Variants in OR10AG1 observed in about 807,000 individuals in gnomAD.
OR10AG1 encodes olfactory receptor family 10 subfamily AG member 1.
For missense variants in OR10AG1, 433 were observed against 376.5 expected, an observed-to-expected ratio of 1.15 and a Z score of -1.24; for synonymous variants, 147 against 128.6, an observed-to-expected ratio of 1.14 and a Z score of -0.97.
At position 55,968,520 on chromosome 11, in the gene OR10AG1, C is replaced by A. The variant is rs1852714570; in HGVS notation, c.17-13G>T. 9.2e-7 allele frequency: 1 copy of A among 1,091,840 alleles called. No individual in the cohort carries two copies. The highest frequency in any genetic ancestry group is 1.3e-6 in the Non-Finnish European group (1 of 749,498). The allele number at this position is 1,091,840 out of a possible 1,614,324, so 67.6% of individuals were successfully genotyped here. ...GTTTGCTCTCCATCTGCAGATATAGCAAATTCAAGACAGTTAATTCATCCA... is the reference window on the plus strand; with the variant it reads ...GTTTGCTCTCCATCTGCAGATATAGAAAATTCAAGACAGTTAATTCATCCA... On this transcript the variant is annotated splice_polypyrimidine_tract_variant and intron_variant, in intron 1 of 1. Coordinates refer to ENST00000641071, the MANE Select transcript of OR10AG1 (RefSeq NM_001005491.2).
In OR10AG1 at chr11:55,966,924, A is replaced by G. The variant is rs1852693582; in HGVS notation, c.*634T>C. Reference sequence around the variant, plus strand: ...GGGTCCAACATTCAACCCAACACACATAGGTAAGGCTAGTTTAGGATGAAA... The same window carrying G: ...GGGTCCAACATTCAACCCAACACACGTAGGTAAGGCTAGTTTAGGATGAAA... On this transcript the variant is annotated 3_prime_UTR_variant, in exon 2 of 2. Coordinates refer to ENST00000641071, the MANE Select transcript of OR10AG1 (RefSeq NM_001005491.2). The G allele has an allele frequency of 6.6e-6, 1 of 152,142 alleles. No individual in the cohort carries two copies. Among genetic ancestry groups the G allele is most frequent in the African/African-American group, 2.4e-5 (1 of 41,372 alleles). The allele number at this position is 152,142 out of a possible 1,614,324, so 9.4% of individuals were successfully genotyped here.
rs773289807 is a variant in OR10AG1, at chr11:55,968,491, T to G, written c.33A>C (p.Lys11Asn). 8.4e-6 allele frequency: 12 copies of G among 1,433,888 alleles called. No homozygotes were observed. The Admixed American group carries it at 2.2e-4, about 27-fold the overall frequency. The allele number at this position is 1,433,888 out of a possible 1,614,324, so 88.8% of individuals were successfully genotyped here. The change falls in exon 2 of 2, where the codon AAA becomes AAC. Residue 11 changes from lysine (K) to asparagine (N), a missense_variant. Transcript: ENST00000641071. MQIPKDGEQTKREKSNVTTIM... is the reference protein window; with the variant it reads MQIPKDGEQTNREKSNVTTIM... ...TTGTAGTCACATTTGATTTTTCTCT[T>G]TTAGTTTGCTCTCCATCTGCAGATA...
intron 1 of OR10AG1, 106 bp from the exon 2 acceptor site, chr11:55,968,613 T>G (rs925788893): frequency 2.6e-5 from 14 of 537,470 alleles, no homozygotes; most frequent in African/African-American, 2.5e-4. Flanking sequence ...CTTAAGCTCT[T>G]AAGTCATTTT....
In OR10AG1 at chr11:55,967,754, A is replaced by G; in HGVS notation, c.770T>C (p.Ile257Thr). ...TGCTCCAAAGAATAAGATTACAACT[A>G]TTAGGTGAGATGAGCAGGTGGAGAA... ...KAFSTCSSHL[I>T]VVILFFGAGT... The change falls in exon 2 of 2, where the codon ATA becomes ACA. Residue 257 changes from isoleucine to threonine, a missense_variant. By Grantham distance (89) the Ile-to-Thr change is moderately conservative. Coordinates refer to ENST00000641071, the MANE Select transcript of OR10AG1 (RefSeq NM_001005491.2). 6.2e-7 allele frequency: 1 copy of G among 1,613,696 alleles called. No homozygotes were observed. Among genetic ancestry groups the G allele is most frequent in the Non-Finnish European group, 8.5e-7 (1 of 1,179,708 alleles).
rs777883456 is a variant in OR10AG1 at position 55,967,682 on chromosome 11, A to G, written c.842T>C (p.Met281Thr). 3 of 1,613,294 alleles carry G rather than the reference A, an allele frequency of 1.9e-6. No individual in the cohort carries two copies. The highest frequency in any genetic ancestry group is 2.5e-6 in the Non-Finnish European group (3 of 1,179,356). ...GTAGAAAAGAGAAATCAGTTTCCCC[A>G]TCCTTTGAAACTGATGTGGTTTGGG... is the stretch of plus-strand genomic sequence containing the variant. ...LQPKPHQFQRMGKLISLFYTI... is the reference protein window; with the variant it reads ...LQPKPHQFQRTGKLISLFYTI... The change falls in exon 2 of 2, where the codon ATG becomes ACG. Residue 281 changes from methionine (M) to threonine (T), a missense_variant. Coordinates refer to ENST00000641071, the MANE Select transcript of OR10AG1 (RefSeq NM_001005491.2).
Position 55,968,469 on chromosome 11 carries a change from T to C in OR10AG1, c.55A>G (p.Thr19Ala). The C allele has an allele frequency of 1.3e-6, 2 of 1,527,732 alleles. No individual in the cohort carries two copies. The highest frequency in any genetic ancestry group is 1.8e-6 in the Non-Finnish European group (2 of 1,135,646). 94.6% of individuals were successfully genotyped at this position (1,527,732 alleles called of 1,614,324 possible). A position where few individuals can be genotyped will look rare whatever the true frequency, so the allele number is the denominator to read the frequency against. ...QTKREKSNVT[T>A]IMEFVLLGFS... ...CCCAAAAGAACAAATTCCATTATTGTAGTCACATTTGATTTTTCTCTTTTA... is the reference window on the plus strand; with the variant it reads ...CCCAAAAGAACAAATTCCATTATTGCAGTCACATTTGATTTTTCTCTTTTA... The change falls in exon 2 of 2, where the codon ACA becomes GCA. Residue 19 changes from threonine (T) to alanine (A), a missense_variant. Coordinates refer to ENST00000641071, the MANE Select transcript of OR10AG1 (RefSeq NM_001005491.2).
rs766153051 is a variant in OR10AG1, at chr11:55,968,327, A to C, written c.197T>G (p.Leu66Arg). The C allele has an allele frequency of 1.2e-6, 2 of 1,613,460 alleles. No individual in the cohort carries two copies. The change falls in exon 2 of 2, where the codon CTC becomes CGC. Residue 66 changes from leucine to arginine, a missense_variant. Leu to Arg is a moderately radical substitution (Grantham distance 102). Transcript: ENST00000641071. Reference protein sequence around the residue: ...IILLIKIHPALQTPMYFFLSN... With the variant: ...IILLIKIHPARQTPMYFFLSN... ...AAGAAAAAAATACATGGGAGTCTGGAGAGCGGGGTGAATTTTTATTAGTAG... is the reference window on the plus strand; with the variant it reads ...AAGAAAAAAATACATGGGAGTCTGGCGAGCGGGGTGAATTTTTATTAGTAG...
Position 55,967,936 on chromosome 11 carries a change from G to C in OR10AG1, c.588C>G (p.Leu196=). 1 of 1,614,104 alleles carries C rather than the reference G, an allele frequency of 6.2e-7. No homozygotes were observed. Among genetic ancestry groups the C allele is most frequent in the South Asian group, 1.1e-5 (1 of 91,084 alleles). The change falls in exon 2 of 2, where the codon CTC becomes CTG. Residue 196 remains leucine (L), a synonymous_variant. Coordinates refer to ENST00000641071, the MANE Select transcript of OR10AG1 (RefSeq NM_001005491.2). ...NHFFCDIPPI[L]KLACGNIFVN... The stretch of plus-strand genomic sequence containing the variant: ...CAAATATGTTTCCACAAGCAAGCTT[G>C]AGTATTGGCGGGATGTCACAAAAGA...
rs1410884121 is a variant in OR10AG1, at chr11:55,968,413, C to T, written c.111G>A (p.Met37Ile). 8 of 1,587,378 alleles carry T rather than the reference C, an allele frequency of 5.0e-6. No individual in the cohort carries two copies. The highest frequency in any genetic ancestry group is 6.9e-6 in the Non-Finnish European group (8 of 1,166,404). The change falls in exon 2 of 2, where the codon ATG becomes ATA. Residue 37 changes from methionine (M) to isoleucine (I), a missense_variant. Transcript: ENST00000641071. The stretch of plus-strand genomic sequence containing the variant: ...ACATAAGTAAAAATATACTAAAAAG[C>T]ATCCAGTGGAGATTGGGAATATCAG... Reference protein sequence around the residue: ...GFSDIPNLHWMLFSIFLLMYL... With the variant: ...GFSDIPNLHWILFSIFLLMYL...
chr11:55,967,664 A>G lies in OR10AG1; in HGVS notation c.860T>C (p.Leu287Pro). ...AGTTGGAATCAGAATGGTGTAGAAA[A>G]GAGAAATCAGTTTCCCCATCCTTTG... The part of the protein sequence containing the change: ...QFQRMGKLIS[L>P]FYTILIPTLN... The change falls in exon 2 of 2, where the codon CTT becomes CCT. Residue 287 changes from leucine to proline, a missense_variant. Transcript: ENST00000641071. 2 of 1,613,526 alleles carry G rather than the reference A, an allele frequency of 1.2e-6. No homozygotes were observed. The highest frequency in any genetic ancestry group is 4.5e-5 in the East Asian group (2 of 44,868).
rs1174947280 is a variant in OR10AG1 at position 55,965,994 on chromosome 11, A to G, written c.*1564T>C. The G allele has an allele frequency of 6.6e-6, 1 of 151,906 alleles. No individual in the cohort carries two copies. The allele number at this position is 151,906 out of a possible 1,614,324, so 9.4% of individuals were successfully genotyped here. ...AAATGATGTTATATTTTTTAAGTAC[A>G]TATGCATTCTTACATATTAGGGAAG... is the stretch of plus-strand genomic sequence containing the variant. On this transcript the variant is annotated 3_prime_UTR_variant, in exon 2 of 2. Transcript: ENST00000641071.
Position 55,967,398 on chromosome 11 carries a change from C to T in OR10AG1, c.*160G>A. On this transcript the variant is annotated 3_prime_UTR_variant, in exon 2 of 2. Transcript: ENST00000641071. ...GCTCCAACTGCACAGTAGCACATAACTATATTCTGTGAATAAAACACCCCT... is the reference window on the plus strand; with the variant it reads ...GCTCCAACTGCACAGTAGCACATAATTATATTCTGTGAATAAAACACCCCT... The T allele has an allele frequency of 1.7e-6, 1 of 574,312 alleles. No homozygotes were observed. Among genetic ancestry groups the T allele is most frequent in the African/African-American group, 1.9e-5 (1 of 53,118 alleles). 35.6% of individuals were successfully genotyped at this position (574,312 alleles called of 1,614,324 possible). A position where few individuals can be genotyped will look rare whatever the true frequency, so the allele number is the denominator to read the frequency against.
chr11:55,966,262 TAAG>T lies in OR10AG1; in HGVS notation c.*1293_*1295del, dbSNP rs1462801234. 5.6e-5 allele frequency: 7 copies of T among 125,106 alleles called. No individual in the cohort carries two copies. Among genetic ancestry groups the T allele is most frequent in the African/African-American group, 2.0e-4 (7 of 34,960 alleles). The allele number at this position is 125,106 out of a possible 1,614,324, so 7.7% of individuals were successfully genotyped here. On this transcript the variant is annotated 3_prime_UTR_variant, in exon 2 of 2. Coordinates refer to ENST00000641071, the MANE Select transcript of OR10AG1 (RefSeq NM_001005491.2). ...AATTTCATTGATTTAGCTTGTAAAGTAAGAAGAATATATATATATATATATATA... is the reference window on the plus strand; with the variant it reads ...AATTTCATTGATTTAGCTTGTAAAGTAAGAATATATATATATATATATATA...
chr11:55,968,209 C>G lies in OR10AG1; in HGVS notation c.315G>C (p.Leu105Phe). The change falls in exon 2 of 2, where the codon TTG (leucine) becomes TTC (phenylalanine). Residue 105 changes from leucine (L) to phenylalanine (F), a missense_variant. Physicochemically the swap from Leu to Phe is conservative, Grantham distance 22. Transcript: ENST00000641071. ...AACACATTTGTGTAGCACAAGCAAA[C>G]AAAGAAATATTTCCTTTCTGAGTCC... ...DIWTQKGNIS[L>F]FACATQMCFF... 1 of 1,613,968 alleles carries G rather than the reference C, an allele frequency of 6.2e-7. No homozygotes were observed. The highest frequency in any genetic ancestry group is 1.1e-5 in the South Asian group (1 of 91,084).
chr11:55,968,249 A>G lies in OR10AG1; in HGVS notation c.275T>C (p.Met92Thr). ...TTTCTGAGTCCAAATGTCCATGAGC[A>G]TTCTTGGGATAATGATTGTTACATA... ...ICYVTIIIPR[M>T]LMDIWTQKGN... The change falls in exon 2 of 2, where the codon ATG becomes ACG. Residue 92 changes from methionine to threonine, a missense_variant. By Grantham distance (81) the Met-to-Thr change is moderately conservative. Transcript: ENST00000641071. 2 of 1,613,536 alleles carry G rather than the reference A, an allele frequency of 1.2e-6. No homozygotes were observed. The highest frequency in any genetic ancestry group is 1.7e-6 in the Non-Finnish European group (2 of 1,179,508).
Position 55,966,504 on chromosome 11 carries a change from TTAAGGCAA to T in OR10AG1, c.*1046_*1053del, listed in dbSNP as rs1852690053. 1 of 152,012 alleles carries T rather than the reference TTAAGGCAA, an allele frequency of 6.6e-6. No individual in the cohort carries two copies. Among genetic ancestry groups the T allele is most frequent in the Non-Finnish European group, 1.5e-5 (1 of 68,002 alleles). 9.4% of individuals were successfully genotyped at this position (152,012 alleles called of 1,614,324 possible). A position where few individuals can be genotyped will look rare whatever the true frequency, so the allele number is the denominator to read the frequency against. On this transcript the variant is annotated 3_prime_UTR_variant, in exon 2 of 2. Transcript: ENST00000641071. ...AACAACTTACTGCAAATTGGGTGGC[TTAAGGCAA>T]TAGCAGATTAGTCACTCATCAGTTC...
In OR10AG1 at chr11:55,966,261, G is replaced by T. The variant is rs954507445; in HGVS notation, c.*1297C>A. On this transcript the variant is annotated 3_prime_UTR_variant, in exon 2 of 2. Transcript: ENST00000641071. Reference sequence around the variant, plus strand: ...AAATTTCATTGATTTAGCTTGTAAAGTAAGAAGAATATATATATATATATA... The same window carrying T: ...AAATTTCATTGATTTAGCTTGTAAATTAAGAAGAATATATATATATATATA... 1.5e-5 allele frequency: 2 copies of T among 129,248 alleles called. No individual in the cohort carries two copies. Among genetic ancestry groups the T allele is most frequent in the African/African-American group, 5.6e-5 (2 of 35,840 alleles). 8.0% of individuals were successfully genotyped at this position (129,248 alleles called of 1,614,324 possible). A position where few individuals can be genotyped will look rare whatever the true frequency, so the allele number is the denominator to read the frequency against.
chr11:55,967,979 G>A lies in OR10AG1; in HGVS notation c.545C>T (p.Thr182Ile). Residue 182 changes from threonine (T) to isoleucine (I), a missense_variant, in exon 2 of 2, where the codon ACT (threonine) becomes ATT (isoleucine). Thr to Ile is a moderately conservative substitution (Grantham distance 89, BLOSUM62 -1). Transcript: ENST00000641071. Reference sequence around the variant, plus strand: ...ACAAAAGAAATGATTAATTGTGTTAGTTCCGCAAAAGGGCAAAAGGAAAAT... The same window carrying A: ...ACAAAAGAAATGATTAATTGTGTTAATTCCGCAAAAGGGCAAAAGGAAAAT... ...CQIFLLPFCG[T>I]NTINHFFCDI... is the part of the protein sequence containing the mutation. 6.2e-7 allele frequency: 1 copy of A among 1,614,066 alleles called. No homozygotes were observed. The highest frequency in any genetic ancestry group is 8.5e-7 in the Non-Finnish European group (1 of 1,179,988).
In OR10AG1 at chr11:55,968,319, G is replaced by C; in HGVS notation, c.205C>G (p.Pro69Ala). The C allele has an allele frequency of 6.2e-7, 1 of 1,613,506 alleles. No homozygotes were observed. Among genetic ancestry groups the C allele is most frequent in the South Asian group, 1.1e-5 (1 of 91,074 alleles). ...LIKIHPALQT[P>A]MYFFLSNFSL... ...AAATTGCTAAGAAAAAAATACATGG[G>C]AGTCTGGAGAGCGGGGTGAATTTTT... The change falls in exon 2 of 2, where the codon CCC (proline) becomes GCC (alanine). Residue 69 changes from proline to alanine, a missense_variant. Pro to Ala is a conservative substitution (Grantham distance 27). Coordinates refer to ENST00000641071, the MANE Select transcript of OR10AG1 (RefSeq NM_001005491.2).
Sources: gnomAD v4.1 joint callset for allele counts on GRCh38, gnomAD v4.1.1 for gene constraint, MANE v1.5 for transcripts, NCBI Gene and HGNC (gene_info 2026-07-23, HGNC 2026-07-21) for gene names.